HORMAD1: variants seen among roughly 807,000 people sequenced by gnomAD.
HORMAD1 encodes the protein HORMA domain-containing protein 1.
HORMAD1 carries 33 observed loss-of-function variants against 58.2 expected under a neutral mutation model. The ratio of observed to expected loss-of-function variants is 0.57; its 90% CI spans 0.43 to 0.76. HORMAD1 has a LOEUF of 0.76. Among genes scored for constraint, HORMAD1 ranks in the 30% least tolerant of loss-of-function variants. The pLI is 0.00. For synonymous variants in HORMAD1, 137 were observed against 144.6 expected (o/e 0.95, Z 0.38); for missense variants, 363 against 462.0 (o/e 0.79, Z 1.96).
At chr1:150,706,073 TTGAA>T (rs1651682843) in intron 10 of HORMAD1, among the ~76,000 whole-genome samples, 1 of 152,190 alleles carries the variant, frequency 6.6e-6, no homozygotes, top group Admixed American at 6.5e-5. Flanking sequence ...GATTAAAAAG[TTGAA>T]TGAGACACTT....
Position 150,699,877 on chromosome 1 carries a change from A to G in HORMAD1, c.1104+235T>C, listed in dbSNP as rs373568609. On this transcript the variant is annotated intron_variant, in intron 14 of 14. Coordinates refer to ENST00000361824, the MANE Select transcript of HORMAD1 (RefSeq NM_032132.5). ...TAAATTCCTCCAATTACTTTAAATC[A>G]TTCATGGAATGAGACAGGAGATGTT... Among the ~76,000 whole-genome samples the G allele has an allele frequency of 5.6e-4, 85 of 152,202 alleles. 2 individuals are homozygous for G. The highest frequency in any genetic ancestry group is 2.0e-3 in the African/African-American group (82 of 41,526).
At chr1:150,699,552 G>A (rs1651472717) in intron 14 of HORMAD1, among the ~76,000 whole-genome samples, 1 of 150,552 alleles carries the variant, frequency 6.6e-6, no homozygotes, top group South Asian at 2.1e-4. Context: ...TAAAGACGGA[G>A]TCTTGGTCTG....
Position 150,698,681 on chromosome 1 carries a change from C to A in HORMAD1, c.1158G>T (p.Lys386Asn). 1 of 1,601,322 alleles carries A rather than the reference C, an allele frequency of 6.2e-7. No individual in the cohort carries two copies. Among genetic ancestry groups the A allele is most frequent in the Non-Finnish European group, 8.5e-7 (1 of 1,169,696 alleles). Residue 386 changes from lysine to asparagine, a missense_variant, in exon 15 of 15, where the codon AAG (lysine) becomes AAT (asparagine). By Grantham distance (94) the Lys-to-Asn change is moderately conservative. This residue lies in a region of HORMAD1 where 226 missense variants were observed against 257.8 expected (regional missense o/e 0.88). Transcript: ENST00000361824. ...SSQESVPKRR[K>N]FSEPKEHI ...ATATATGTTCCTTTGGTTCACTAAA[C>A]TTTCTCCTTTTTGGCACTGACTCTT...
Position 150,704,434 on chromosome 1 carries a change from T to A in HORMAD1, c.805-91A>T, listed in dbSNP as rs587732048. 3.3e-5 allele frequency: 26 copies of A among 798,524 alleles called. No individual in the cohort carries two copies. The South Asian group carries it at 3.4e-4, about 11-fold the overall frequency. The allele number at this position is 798,524 out of a possible 1,614,324, so 49.5% of individuals were successfully genotyped here. ...AGCATTTATGAACAAATTTGTTTCA[T>A]GTGAAGGCTAAATACAATATAAAAC... On this transcript the variant is annotated intron_variant, in intron 10 of 14. Coordinates refer to ENST00000361824, the MANE Select transcript of HORMAD1 (RefSeq NM_032132.5).
At chr1:150,715,203 G>A (rs1299276560) in intron 3 of HORMAD1, among the ~76,000 whole-genome samples, 1 of 152,152 alleles carries the variant, frequency 6.6e-6, no homozygotes, top group African/African-American at 2.4e-5. Flanking sequence ...TAGGATGCAA[G>A]CTGATGGGTA....
In HORMAD1 at chr1:150,700,069, T is replaced by C. The variant is rs1651491507; in HGVS notation, c.1104+43A>G. On this transcript the variant is annotated intron_variant, in intron 14 of 14. Coordinates refer to ENST00000361824, the MANE Select transcript of HORMAD1 (RefSeq NM_032132.5). The stretch of plus-strand genomic sequence containing the variant: ...TTAATCTGTAGTAATGATATTCTGA[T>C]CCTTCCCATTGTATTCAAACTATAC... The C allele has an allele frequency of 1.2e-5, 11 of 904,628 alleles. No homozygotes were observed. The East Asian group carries it at 2.7e-4, about 22-fold the overall frequency. 56.0% of individuals were successfully genotyped at this position (904,628 alleles called of 1,614,324 possible).
At chr1:150,706,403 A>C in intron 10 of HORMAD1, 150 bp downstream of exon 10, 13 of 658,798 alleles carry the variant, frequency 2.0e-5, no homozygotes, top group East Asian at 2.8e-5. Context: ...TTTTAAAACC[A>C]TAGGCCTAGA....
intron 9 of HORMAD1, 77 bp from the exon 10 acceptor site, chr1:150,706,886 GATT>G: frequency 8.3e-7 from 1 of 1,205,684 alleles, no homozygotes; most frequent in Non-Finnish European, 1.1e-6. Context: ...AACACACGCA[GATT>G]GCAGGTATTT....
intron 7 of HORMAD1, among the ~76,000 whole-genome samples, chr1:150,709,894 G>C (rs1007283960): frequency 6.6e-6 from 1 of 152,154 alleles, no homozygotes; most frequent in Non-Finnish European, 1.5e-5. Context: ...TTACGTGTAC[G>C]TCCAGTCATA....
At chr1:150,699,411 T>C (rs17600020) in intron 14 of HORMAD1, among the ~76,000 whole-genome samples, 2,777 of 152,322 alleles carry the variant, frequency 0.018, 45 homozygotes, top group South Asian at 0.057. Context: ...TTTTGATCTC[T>C]AGAAAGCTCA....
At position 150,717,235 on chromosome 1, in the gene HORMAD1, C is replaced by T. The variant is rs966915691; in HGVS notation, c.81G>A (p.Leu27=). The T allele has an allele frequency of 4.4e-6, 7 of 1,595,110 alleles. No individual in the cohort carries two copies. The Admixed American group carries it at 5.1e-5, about 12-fold the overall frequency. ...PNKISTEHQS[L]VLVKRLLAVS... ...CTGCTAGAAGCCTCTTCACTAACAC[C>T]AAAGACTGGTGTTCAGTTGATATCT... The change falls in exon 3 of 15, where the codon TTG becomes TTA. Residue 27 remains leucine (L), a synonymous_variant. Transcript: ENST00000361824.
chr1:150,716,178 T>C (rs1272786673), intron 3 of HORMAD1, among the ~76,000 whole-genome samples: 1 of 143,074 alleles, frequency 7.0e-6, no homozygotes, highest in African/African-American at 2.6e-5. Flanking sequence ...TTTTTTTTTT[T>C]TTTGAGACTG....
chr1:150,700,307 T>G, intron 13 of HORMAD1, 124 bp from the exon 14 acceptor site: 1 of 590,256 alleles, frequency 1.7e-6, no homozygotes, highest in Non-Finnish European at 3.0e-6. Context: ...GGACAGGGTC[T>G]CCCTCTGTCA....
intron 14 of HORMAD1, chr1:150,698,949 A>G (rs1651452767): frequency 2.4e-6 from 1 of 409,044 alleles, no homozygotes. Context: ...CAAAATGTAT[A>G]ATCTTCAGTA....
At chr1:150,716,150 C>CT (rs752800084) in intron 3 of HORMAD1, among the ~76,000 whole-genome samples, 5,582 of 68,782 alleles carry the variant, frequency 0.081, 1,428 homozygotes, top group African/African-American at 0.17. Flanking sequence ...CAAAGGACCA[C>CT]TTTTTTTTTT....
rs749920820 is a variant in HORMAD1 at position 150,708,275 on chromosome 1, T to C, written c.528A>G (p.Lys176=). ...TAGTACCTTCATCATAGTAAAAAAG[T>C]TTCATGGTCAAACAAACATCATTAG... ...PLPNDVCLTM[K]LFYYDEVTPP... The change falls in exon 9 of 15, where the codon AAA becomes AAG. Residue 176 remains lysine, a synonymous_variant. Coordinates refer to ENST00000361824, the MANE Select transcript of HORMAD1 (RefSeq NM_032132.5). 1.9e-6 allele frequency: 3 copies of C among 1,604,170 alleles called. No individual in the cohort carries two copies. Among genetic ancestry groups the C allele is most frequent in the Non-Finnish European group, 2.6e-6 (3 of 1,175,790 alleles).
chr1:150,718,720 G>A (rs978683269), intron 2 of HORMAD1, among the ~76,000 whole-genome samples: 2 of 152,048 alleles, frequency 1.3e-5, no homozygotes, highest in Admixed American at 1.3e-4. Flanking sequence ...CCCCTTCTGA[G>A]TTCAAGCGAT....
At chr1:150,714,836 A>G (rs929597108) in intron 3 of HORMAD1, among the ~76,000 whole-genome samples, 158 bp from the exon 4 acceptor site, 1 of 152,110 alleles carries the variant, frequency 6.6e-6, no homozygotes, top group Non-Finnish European at 1.5e-5. Flanking sequence ...CCCAGGATGG[A>G]GTGCGGTGAC....
chr1:150,707,121 G>A (rs952272819), intron 9 of HORMAD1, among the ~76,000 whole-genome samples: 42 of 152,210 alleles, frequency 2.8e-4, no homozygotes, highest in African/African-American at 7.0e-4. Context: ...ATAAAGTGTC[G>A]TAAAATGTTG....
Sources: gnomAD v4.1 joint callset for allele counts (sites outside exome capture counted in the v4.1 genomes callset) on GRCh38, gnomAD v4.1.1 for gene constraint, gnomAD v4.1.1 regional missense constraint, MANE v1.5 for transcripts, NCBI Gene and HGNC (gene_info 2026-07-23, HGNC 2026-07-21) for gene names.